BRD8: variants seen among roughly 807,000 people sequenced by gnomAD.
BRD8 encodes the protein bromodomain containing 8.
Under a neutral mutation model 143.1 loss-of-function variants are expected in BRD8, and 67 were observed. The observed-to-expected ratio is 0.47, with a 90% CI of 0.38 to 0.57. BRD8 has a LOEUF of 0.57. BRD8 is among the 20% of genes least tolerant of loss of function. BRD8 has a pLI of 0.00. For synonymous variants in BRD8, 505 were observed against 517.1 expected (o/e 0.98, Z 0.32); for missense variants, 1,103 against 1,503.0 (o/e 0.73, Z 4.40).
intron 8 of BRD8, chr5:138,168,529 A>G: frequency 6.2e-7 from 1 of 1,608,318 alleles, no homozygotes; most frequent in South Asian, 1.1e-5. Context: ...AGCAGAGGGG[A>G]GGGGGGTGGA....
chr5:138,163,025 G>GGAAAA (rs1268062576), intron 15 of BRD8, 105 bp downstream of exon 15: 28 of 983,076 alleles, frequency 2.8e-5, no homozygotes, highest in African/African-American at 3.5e-5. Flanking sequence ...GAAAGGAAAG[G>GGAAAA]GAAAAGAAAA....
intron 26 of BRD8, 122 bp from the exon 27 acceptor site, chr5:138,140,288 G>C: frequency 2.9e-6 from 2 of 696,050 alleles, no homozygotes; most frequent in South Asian, 3.7e-5. Context: ...ATGCTACCCA[G>C]AAAAGAAACC....
In BRD8 at chr5:138,178,619, G is replaced by A. The variant is rs1468704113; in HGVS notation, c.-5C>T. The A allele has an allele frequency of 6.2e-7, 1 of 1,613,846 alleles. No homozygotes were observed. Among genetic ancestry groups the A allele is most frequent in the Admixed American group, 1.7e-5 (1 of 59,990 alleles). ...ACTGCCCGTTCCCGTCGCCATCTTG[G>A]CCCCGAAGTCTCCAACCCTGAGGAG... On this transcript the variant is annotated 5_prime_UTR_variant, in exon 1 of 27. Transcript: ENST00000254900.
At chr5:138,151,716 T>C (rs909146625) in intron 21 of BRD8, among the ~76,000 whole-genome samples, 1 of 152,208 alleles carries the variant, frequency 6.6e-6, no homozygotes, top group Admixed American at 6.5e-5. Context: ...TAGGCTGGAG[T>C]CCAATGGCAC....
intron 17 of BRD8, among the ~76,000 whole-genome samples, chr5:138,161,462 C>T (rs771252623): frequency 2.6e-4 from 40 of 152,058 alleles, no homozygotes; most frequent in Admixed American, 1.5e-3. Context: ...ACTACAAATG[C>T]GCGACACCAC....
chr5:138,157,264 C>T (rs1752662016), intron 20 of BRD8: 1 of 1,613,694 alleles, frequency 6.2e-7, no homozygotes, highest in Non-Finnish European at 8.5e-7. Context: ...CTGGTTCCTC[C>T]ATCCTAGATG....
At chr5:138,148,168 A>G (rs1752232744) in intron 23 of BRD8, among the ~76,000 whole-genome samples, 1 of 150,296 alleles carries the variant, frequency 6.7e-6, no homozygotes, top group Admixed American at 6.6e-5. Context: ...GGAAAAAAAA[A>G]AAAAAAAAGA....
intron 20 of BRD8, among the ~76,000 whole-genome samples, chr5:138,154,899 G>A (rs1390762515): frequency 1.4e-5 from 2 of 146,912 alleles, no homozygotes; most frequent in Admixed American, 6.9e-5. Flanking sequence ...GCTTGATCTC[G>A]GATCACTGCA....
chr5:138,155,424 G>C (rs956846163), intron 20 of BRD8, among the ~76,000 whole-genome samples: 2 of 150,184 alleles, frequency 1.3e-5, no homozygotes, highest in African/African-American at 4.9e-5. Flanking sequence ...ACTCCAGCCT[G>C]GGCAACGAGA....
At chr5:138,166,445 A>ATGCTC in intron 10 of BRD8, 73 bp downstream of exon 10, 1 of 915,670 alleles carries the variant, frequency 1.1e-6, no homozygotes, top group Non-Finnish European at 1.7e-6. Flanking sequence ...ATCGGAGCTG[A>ATGCTC]TGCTCTTGGT....
chr5:138,153,681 T>C (rs924449120), intron 20 of BRD8, among the ~76,000 whole-genome samples: 29 of 148,640 alleles, frequency 2.0e-4, no homozygotes, highest in African/African-American at 6.7e-4. Context: ...TTCTTTTTTT[T>C]TTTTTTTTTT....
chr5:138,170,621 C>T, intron 6 of BRD8: 1 of 787,952 alleles, frequency 1.3e-6, no homozygotes, highest in Non-Finnish European at 2.3e-6. Context: ...TAAGTTAGAA[C>T]TAAGTTATGT....
intron 13 of BRD8, 59 bp from the exon 14 acceptor site, chr5:138,164,192 G>A (rs1427674006): frequency 1.9e-6 from 3 of 1,591,754 alleles, no homozygotes; most frequent in African/African-American, 2.7e-5. Context: ...CCCTTCCTAT[G>A]GACCATAATC....
At chr5:138,170,665 T>C (rs1753789732) in intron 6 of BRD8, 167 bp downstream of exon 6, 1 of 738,566 alleles carries the variant, frequency 1.4e-6, no homozygotes, top group Non-Finnish European at 2.4e-6. Flanking sequence ...TATTACCTTC[T>C]AGGACTCACT....
chr5:138,146,734 C>T (rs560146543), intron 23 of BRD8, among the ~76,000 whole-genome samples: 18 of 151,512 alleles, frequency 1.2e-4, no homozygotes, highest in Non-Finnish European at 2.1e-4. Context: ...TTTGGGAGGC[C>T]GAGGCAGGCG....
Position 138,169,375 on chromosome 5 carries a change from A to T in BRD8, c.506-17T>A, listed in dbSNP as rs1753693815. ...CTTGACGAGCTAGAACATAAAAGAG[A>T]ACAATGTCCAAATCTTCAAGATTAA... On this transcript the variant is annotated splice_polypyrimidine_tract_variant and intron_variant, in intron 7 of 26. Transcript: ENST00000254900. The T allele has an allele frequency of 6.2e-7, 1 of 1,610,768 alleles. No individual in the cohort carries two copies. Among genetic ancestry groups the T allele is most frequent in the Non-Finnish European group, 8.5e-7 (1 of 1,178,816 alleles).
intron 23 of BRD8, among the ~76,000 whole-genome samples, chr5:138,146,735 G>A (rs13176259): frequency 7.2e-5 from 11 of 151,910 alleles, no homozygotes; most frequent in Admixed American, 2.6e-4. Flanking sequence ...TTGGGAGGCC[G>A]AGGCAGGCGG....
chr5:138,153,673 CTTTTT>C (rs67848204), intron 20 of BRD8, among the ~76,000 whole-genome samples: 28 of 107,344 alleles, frequency 2.6e-4, no homozygotes, highest in African/African-American at 5.3e-4. Context: ...CTTTTCTTTT[CTTTTT>C]TTTTTTTTTT....
chr5:138,156,746 A>G (rs1385023461), intron 20 of BRD8: 4 of 786,966 alleles, frequency 5.1e-6, no homozygotes, highest in Non-Finnish European at 4.6e-6. Flanking sequence ...CACTACAGCA[A>G]GCAGTTCATA....
Sources: allele counts gnomAD v4.1 joint callset (sites outside exome capture counted in the v4.1 genomes callset), GRCh38; gene constraint gnomAD v4.1.1; transcripts MANE v1.5; gene names NCBI Gene and HGNC (gene_info 2026-07-23, HGNC 2026-07-21).